OSBPL6: variants seen among roughly 807,000 people sequenced by gnomAD.
OSBPL6 encodes the protein oxysterol-binding protein-related protein 6.
Under a neutral mutation model 125.8 loss-of-function variants are expected in OSBPL6, and 49 were observed. That is an observed-to-expected ratio of 0.39 (90% CI 0.31 to 0.49). The LOEUF (loss-of-function observed/expected upper bound fraction) is 0.49, where lower values mean the gene tolerates loss of function less well. OSBPL6 is among the 20% of genes least tolerant of loss of function. The pLI, the probability that OSBPL6 is intolerant of heterozygous loss-of-function variation, is 0.88. For synonymous variants in OSBPL6, 394 were observed against 391.8 expected (o/e 1.01, Z -0.07); for missense variants, 986 against 1,135.4 (o/e 0.87, Z 1.89).
At chr2:178,268,359 G>A (rs1273205844) in intron 1 of OSBPL6, among the ~76,000 whole-genome samples, 1 of 152,142 alleles carries the variant, frequency 6.6e-6, no homozygotes, top group Non-Finnish European at 1.5e-5. Context: ...TAGGATTATA[G>A]GCGTGAACCA....
chr2:178,205,815 C>T (rs1352175302), intron 1 of OSBPL6, among the ~76,000 whole-genome samples: 1 of 152,148 alleles, frequency 6.6e-6, no homozygotes, highest in Non-Finnish European at 1.5e-5. Flanking sequence ...GTCTAATCCT[C>T]TTAAGGGCAT....
intron 1 of OSBPL6, among the ~76,000 whole-genome samples, chr2:178,260,369 GTATA>G (rs2092019541): frequency 6.6e-6 from 1 of 152,044 alleles, no homozygotes; most frequent in African/African-American, 2.4e-5. Flanking sequence ...ATATGTATAT[GTATA>G]TGTATATGTG....
chr2:178,260,363 G>GTATATA (rs1305220905), intron 1 of OSBPL6, among the ~76,000 whole-genome samples: 1 of 151,678 alleles, frequency 6.6e-6, no homozygotes, highest in African/African-American at 2.4e-5. Context: ...CAAGCTATAT[G>GTATATA]TATATGTATA....
At chr2:178,361,941 C>T (rs941127860) in intron 13 of OSBPL6, 126 bp downstream of exon 13, 5 of 1,112,094 alleles carry the variant, frequency 4.5e-6, no homozygotes, top group Non-Finnish European at 6.2e-6. Context: ...GCAGAATTTC[C>T]CCCAAAAGAC....
At chr2:178,317,898 A>G (rs899801770) in intron 3 of OSBPL6, among the ~76,000 whole-genome samples, 2 of 152,212 alleles carry the variant, frequency 1.3e-5, no homozygotes, top group African/African-American at 2.4e-5. Context: ...TACATGTTCC[A>G]GAGCGTTAGC....
chr2:178,359,471 A>G (rs928429722), intron 12 of OSBPL6, among the ~76,000 whole-genome samples: 2 of 151,970 alleles, frequency 1.3e-5, no homozygotes, highest in African/African-American at 2.4e-5. Context: ...TGGTGCAGCC[A>G]TATACACCGG....
rs2154122436 is a variant in OSBPL6 at position 178,398,456 on chromosome 2, G to C, written c.*2897G>C. ...CTGAGCGGATCAATGGCACACACCA[G>C]CACTGGTAGAGGCTGACCAGAAGCT... On this transcript the variant is annotated 3_prime_UTR_variant, in exon 25 of 25. Coordinates refer to ENST00000190611, the MANE Select transcript of OSBPL6 (RefSeq NM_032523.4). 1 of 152,272 alleles carries C rather than the reference G, an allele frequency of 6.6e-6. No homozygotes were observed. Among genetic ancestry groups the C allele is most frequent in the South Asian group, 2.1e-4 (1 of 4,824 alleles). The allele number at this position is 152,272 out of a possible 1,614,324, so 9.4% of individuals were successfully genotyped here. A position where few individuals can be genotyped will look rare whatever the true frequency, so the allele number is the denominator to read the frequency against.
At chr2:178,361,170 C>G (rs775474536) in intron 12 of OSBPL6, among the ~76,000 whole-genome samples, 19 of 152,294 alleles carry the variant, frequency 1.2e-4, no homozygotes, top group Non-Finnish European at 1.9e-4. Context: ...TTTCCTACCT[C>G]CAAGAGAACC....
intron 13 of OSBPL6, among the ~76,000 whole-genome samples, chr2:178,370,096 C>T (rs1363178717): frequency 1.3e-5 from 2 of 152,108 alleles, no homozygotes; most frequent in African/African-American, 2.4e-5. Context: ...AAAACTTCAT[C>T]TCTACTAAAA....
chr2:178,287,455 A>G lies in OSBPL6; in HGVS notation c.-156+2334A>G, dbSNP rs569670570. 7.9e-5 allele frequency among the ~76,000 whole-genome samples: 12 copies of G among 152,288 alleles called. No homozygotes were observed. The South Asian group carries it at 2.5e-3, about 32-fold the overall frequency. Reference sequence around the variant, plus strand: ...ATCTCATGGATTCTGTTAGATCAGTATTGCCTAGGATCTCTCAATACTTGA... The same window carrying G: ...ATCTCATGGATTCTGTTAGATCAGTGTTGCCTAGGATCTCTCAATACTTGA... On this transcript the variant is annotated intron_variant, in intron 2 of 24. Transcript: ENST00000190611.
intron 13 of OSBPL6, among the ~76,000 whole-genome samples, chr2:178,364,046 G>A (rs924094603): frequency 6.6e-6 from 1 of 152,172 alleles, no homozygotes; most frequent in African/African-American, 2.4e-5. Flanking sequence ...GGAAACCACA[G>A]CAGCCTTTGC....
chr2:178,336,418 G>C lies in OSBPL6; in HGVS notation c.775G>C (p.Asp259His). 6.2e-7 allele frequency: 1 copy of C among 1,614,058 alleles called. No homozygotes were observed. Among genetic ancestry groups the C allele is most frequent in the Non-Finnish European group, 8.5e-7 (1 of 1,179,992 alleles). The change falls in exon 9 of 25, where the codon GAC becomes CAC. Residue 259 changes from aspartate (D) to histidine (H), a missense_variant. Asp to His is a moderately conservative substitution (Grantham distance 81). Coordinates refer to ENST00000190611, the MANE Select transcript of OSBPL6 (RefSeq NM_032523.4). ...AAWLQDSEEM[D>H]RCAEDLAHCQ... ...CTGGTTACAGGACTCGGAAGAGATG[G>C]ACAGGTGTGCAGAAGGTTAGTTCTT...
Position 178,284,969 on chromosome 2 carries a change from G to A in OSBPL6, c.-308G>A. Reference sequence around the variant, plus strand: ...GAAAACAGCAACAGAAGGATATTAAGGAGCCACCCCTATAATTTACCCAGA... The same window carrying A: ...GAAAACAGCAACAGAAGGATATTAAAGAGCCACCCCTATAATTTACCCAGA... On this transcript the variant is annotated 5_prime_UTR_variant, in exon 2 of 25. Transcript: ENST00000190611. The A allele has an allele frequency of 2.5e-6, 1 of 398,390 alleles. No homozygotes were observed. 24.7% of individuals were successfully genotyped at this position (398,390 alleles called of 1,614,324 possible).
chr2:178,229,197 C>A (rs2090706304), intron 1 of OSBPL6, among the ~76,000 whole-genome samples: 1 of 152,146 alleles, frequency 6.6e-6, no homozygotes. Flanking sequence ...CTCTTAATGA[C>A]CTAATCACCT....
At chr2:178,374,167 C>A in intron 15 of OSBPL6, 140 bp downstream of exon 15, 1 of 1,065,084 alleles carries the variant, frequency 9.4e-7, no homozygotes, top group Non-Finnish European at 1.3e-6. Context: ...CAAATTGCAG[C>A]AAAGCTAAAA....
intron 1 of OSBPL6, among the ~76,000 whole-genome samples, chr2:178,283,510 G>A (rs1463586728): frequency 6.6e-6 from 1 of 152,160 alleles, no homozygotes; most frequent in Admixed American, 6.5e-5. Flanking sequence ...TGGCTGGAAG[G>A]ATAAAAACGT....
In OSBPL6 at chr2:178,315,212, T is replaced by G. The variant is rs908022507; in HGVS notation, c.102+8926T>G. Among the ~76,000 whole-genome samples, 3 of 152,354 alleles carry G rather than the reference T, an allele frequency of 2.0e-5. No homozygotes were observed. The South Asian group carries it at 6.2e-4, about 32-fold the overall frequency. On this transcript the variant is annotated intron_variant, in intron 3 of 24. Transcript: ENST00000190611. ...GAGAAGTTTTATTGACAACTGCTGT[T>G]AACCTTTCAACGAGCAGCTCCACAG...
chr2:178,278,885 GGTGTTGTACTGT>G (rs1484518309), intron 1 of OSBPL6, among the ~76,000 whole-genome samples: 2 of 152,158 alleles, frequency 1.3e-5, no homozygotes, highest in Non-Finnish European at 1.5e-5. Context: ...AATAAAAAAA[GGTGTTGTACTGT>G]GTATTGTGCT....
rs567501373 is a variant in OSBPL6 at position 178,264,166 on chromosome 2, G to C, written c.-350-20761G>C. On this transcript the variant is annotated intron_variant, in intron 1 of 24. Transcript: ENST00000190611. ...AGTTCTGAAAATTAACCAGGAAAAA[G>C]TAAAACCCATAAAACATGAAAAAAA... Among the ~76,000 whole-genome samples the C allele has an allele frequency of 3.8e-4, 58 of 151,920 alleles. 1 individual carries two copies. In the South Asian group the frequency reaches 0.012, roughly 32 times the overall value.
Sources: gnomAD v4.1 joint callset for allele counts (sites outside exome capture counted in the v4.1 genomes callset) on GRCh38, gnomAD v4.1.1 for gene constraint, MANE v1.5 for transcripts, NCBI Gene and HGNC (gene_info 2026-07-23, HGNC 2026-07-21) for gene names.